The following KCNH1 variants were observed in gnomAD, a reference collection of about 807,000 sequenced individuals.
The protein encoded by KCNH1 is voltage-gated delayed rectifier potassium channel KCNH1.
A neutral mutation model predicts 69.2 loss-of-function variants in KCNH1; 27 were observed. That is an observed-to-expected ratio of 0.39 (90% CI 0.29 to 0.54). KCNH1 has a LOEUF of 0.54. Ranked by LOEUF, KCNH1 falls within the 20% of genes least tolerant of loss-of-function variation. The pLI is 0.68. For synonymous variants in KCNH1, 456 were observed against 487.7 expected (o/e 0.93, Z 0.86); for missense variants, 798 against 1,261.6 (o/e 0.63, Z 5.57).
intron 7 of KCNH1, among the ~76,000 whole-genome samples, chr1:210,837,300 T>G (rs1439221290): frequency 1.3e-5 from 2 of 152,196 alleles, no homozygotes; most frequent in Non-Finnish European, 2.9e-5. Flanking sequence ...GAGCTCCCTG[T>G]GCTTAGCTCT....
intron 5 of KCNH1, among the ~76,000 whole-genome samples, chr1:211,071,656 T>C (rs560073581): frequency 3.5e-4 from 54 of 152,226 alleles, no homozygotes; most frequent in Admixed American, 5.9e-4. Flanking sequence ...TTTACGATAA[T>C]AATAAAATAG....
At chr1:210,949,667 C>G (rs1013105715) in intron 6 of KCNH1, among the ~76,000 whole-genome samples, 1 of 152,188 alleles carries the variant, frequency 6.6e-6, no homozygotes, top group South Asian at 2.1e-4. Flanking sequence ...TTGCACCAGC[C>G]AATGCCCAGG....
intron 5 of KCNH1, among the ~76,000 whole-genome samples, chr1:211,045,502 T>C (rs989645132): frequency 6.6e-6 from 1 of 152,124 alleles, no homozygotes; most frequent in Non-Finnish European, 1.5e-5. Context: ...CAAATAATTA[T>C]ATAATTATTT....
At chr1:211,098,896 G>A (rs1691205548) in intron 3 of KCNH1, among the ~76,000 whole-genome samples, 1 of 152,156 alleles carries the variant, frequency 6.6e-6, no homozygotes. Context: ...TTCTGTATGA[G>A]GACTTGGAAA....
chr1:211,026,172 T>C (rs1204392537), intron 5 of KCNH1, among the ~76,000 whole-genome samples: 1 of 152,190 alleles, frequency 6.6e-6, no homozygotes, highest in East Asian at 1.9e-4. Flanking sequence ...GACATATTTT[T>C]CCCTATTCCT....
intron 9 of KCNH1, among the ~76,000 whole-genome samples, chr1:210,797,121 C>T (rs1684331118): frequency 6.6e-6 from 1 of 152,134 alleles, no homozygotes; most frequent in Non-Finnish European, 1.5e-5. Flanking sequence ...TTTTAGGATA[C>T]TTCATCCCTT....
chr1:210,946,243 TTTC>T (rs1196863714), intron 6 of KCNH1, among the ~76,000 whole-genome samples: 1 of 152,142 alleles, frequency 6.6e-6, no homozygotes, highest in Non-Finnish European at 1.5e-5. Context: ...TGGCTTGTAC[TTTC>T]TGTGGGAACT....
intron 7 of KCNH1, chr1:210,861,497 T>C: frequency 1.3e-6 from 1 of 774,496 alleles, no homozygotes; most frequent in Non-Finnish European, 2.4e-6. Flanking sequence ...GGCCCACTTC[T>C]TGCATTTCCA....
At chr1:210,939,454 A>G (rs1687840137) in intron 6 of KCNH1, among the ~76,000 whole-genome samples, 1 of 152,190 alleles carries the variant, frequency 6.6e-6, no homozygotes, top group African/African-American at 2.4e-5. Context: ...AAAAGAATCC[A>G]AGTGAAGCAT....
At chr1:210,707,478 C>A (rs1159375356) in intron 10 of KCNH1, among the ~76,000 whole-genome samples, 12 of 152,184 alleles carry the variant, frequency 7.9e-5, no homozygotes, top group Non-Finnish European at 1.8e-4. Flanking sequence ...GTAGTAAAAA[C>A]CCAAGCCATG....
At chr1:210,685,557 C>T (rs555212612) in intron 10 of KCNH1, among the ~76,000 whole-genome samples, 6 of 152,332 alleles carry the variant, frequency 3.9e-5, no homozygotes, top group African/African-American at 1.4e-4. Context: ...TGGAACCTCA[C>T]AGAGGTATCT....
chr1:210,786,549 C>T (rs576810559), intron 9 of KCNH1, among the ~76,000 whole-genome samples: 180 of 152,202 alleles, frequency 1.2e-3, no homozygotes, highest in African/African-American at 4.3e-3. Flanking sequence ...GTGTTCTAGA[C>T]TTTGTTGCTT....
At chr1:210,773,227 C>A (rs996775791) in intron 10 of KCNH1, among the ~76,000 whole-genome samples, 1 of 152,206 alleles carries the variant, frequency 6.6e-6, no homozygotes, top group Non-Finnish European at 1.5e-5. Context: ...ATTGGATGCA[C>A]ATTTCTCCAC....
chr1:210,851,441 A>C (rs1685701087), intron 7 of KCNH1, among the ~76,000 whole-genome samples: 1 of 152,282 alleles, frequency 6.6e-6, no homozygotes, highest in African/African-American at 2.4e-5. Context: ...GTCAGGAACT[A>C]GATTAGTGTC....
intron 10 of KCNH1, among the ~76,000 whole-genome samples, chr1:210,721,419 A>G (rs924462234): frequency 6.6e-6 from 1 of 152,202 alleles, no homozygotes; most frequent in Non-Finnish European, 1.5e-5. Flanking sequence ...GGTTTGGGTT[A>G]ATAAAATTTT....
At chr1:210,831,958 G>A (rs1574283125) in intron 7 of KCNH1, among the ~76,000 whole-genome samples, 1 of 146,158 alleles carries the variant, frequency 6.8e-6, no homozygotes, top group East Asian at 2.0e-4. Flanking sequence ...TGGTACAACT[G>A]AGGAACAATT....
At position 210,864,344 on chromosome 1, in the gene KCNH1, C is replaced by T. The variant is rs977828813; in HGVS notation, c.1462+55296G>A. 4.6e-5 allele frequency among the ~76,000 whole-genome samples: 7 copies of T among 152,156 alleles called. No homozygotes were observed. The East Asian group carries it at 1.3e-3, about 29-fold the overall frequency. ...ACTAAGGCATTGCAGGACTGAGGTC[C>T]ACTATGCAGCTCCAGGTCCCCCTAC... is the stretch of plus-strand genomic sequence containing the variant. On this transcript the variant is annotated intron_variant, in intron 7 of 10. Coordinates refer to ENST00000271751, the MANE Select transcript of KCNH1 (RefSeq NM_172362.3).
intron 7 of KCNH1, among the ~76,000 whole-genome samples, chr1:210,894,940 C>A (rs1686831969): frequency 6.6e-6 from 1 of 151,828 alleles, no homozygotes; most frequent in African/African-American, 2.4e-5. Context: ...TATCTAGCTG[C>A]CTTCATCAGA....
intron 6 of KCNH1, among the ~76,000 whole-genome samples, chr1:210,924,198 G>A (rs775604310): frequency 3.3e-5 from 5 of 152,222 alleles, no homozygotes; most frequent in Non-Finnish European, 7.3e-5. Context: ...CTCCAGAACT[G>A]TGAGAGAATA....
Sources: allele counts gnomAD v4.1 joint callset (sites outside exome capture counted in the v4.1 genomes callset), GRCh38; gene constraint gnomAD v4.1.1; transcripts MANE v1.5; gene names NCBI Gene and HGNC (gene_info 2026-07-23, HGNC 2026-07-21).